Variants in NTM observed in about 807,000 individuals in gnomAD.
The protein encoded by NTM is IgLON family member 2.
Under a neutral mutation model 42.1 loss-of-function variants are expected in NTM, and 13 were observed. The observed-to-expected ratio is 0.31, with a 90% CI of 0.20 to 0.49. The LOEUF is 0.49. Ranked by LOEUF, NTM falls within the 20% of genes least tolerant of loss-of-function variation. The pLI is 0.99. For missense variants in NTM, 373 were observed against 452.8 expected, an observed-to-expected ratio of 0.82 and a Z score of 1.60; for synonymous variants, 187 against 179.2, an observed-to-expected ratio of 1.04 and a Z score of -0.35.
intron 1 of NTM, among the ~76,000 whole-genome samples, chr11:131,509,685 C>T (rs7113620): frequency 0.13 from 19,264 of 152,046 alleles, 1,401 homozygotes; most frequent in East Asian, 0.26. Flanking sequence ...AGTTCTTTAC[C>T]ACACACAACA....
At chr11:131,617,846 A>T (rs893230615) in intron 1 of NTM, among the ~76,000 whole-genome samples, 1 of 152,150 alleles carries the variant, frequency 6.6e-6, no homozygotes, top group Admixed American at 6.5e-5. Flanking sequence ...TTTGTAGATG[A>T]TAGGGGTGAA....
chr11:131,908,144 T>C (rs1030562636), intron 1 of NTM, among the ~76,000 whole-genome samples: 2 of 152,226 alleles, frequency 1.3e-5, no homozygotes, highest in African/African-American at 4.8e-5. Context: ...CTAAGCTTAG[T>C]GCTTTCCCTT....
chr11:131,507,013 A>C (rs1173846452), intron 1 of NTM, among the ~76,000 whole-genome samples: 1 of 152,190 alleles, frequency 6.6e-6, no homozygotes, highest in Non-Finnish European at 1.5e-5. Flanking sequence ...TGACTCTCTA[A>C]GCCTGGGTTC....
At chr11:131,976,622 C>T (rs140722859) in intron 2 of NTM, among the ~76,000 whole-genome samples, 4 of 152,226 alleles carry the variant, frequency 2.6e-5, no homozygotes, top group Admixed American at 1.3e-4. Context: ...TCAGTCATAA[C>T]TGAAATCACA....
chr11:132,022,730 G>A (rs2135540828), intron 2 of NTM, among the ~76,000 whole-genome samples: 1 of 152,282 alleles, frequency 6.6e-6, no homozygotes, highest in East Asian at 1.9e-4. Flanking sequence ...GTTGTCATGT[G>A]GACTAGATAC....
intron 3 of NTM, among the ~76,000 whole-genome samples, chr11:132,185,945 A>G (rs187847718): frequency 6.6e-6 from 1 of 152,342 alleles, no homozygotes; most frequent in East Asian, 1.9e-4. Flanking sequence ...GACTTGATTC[A>G]TCCTAATCAG....
chr11:131,676,509 G>A (rs1052620272), intron 1 of NTM, among the ~76,000 whole-genome samples: 3 of 152,162 alleles, frequency 2.0e-5, no homozygotes, highest in Admixed American at 6.5e-5. Context: ...GCATGCATGC[G>A]TGACTGTGAA....
chr11:131,937,683 C>A (rs2059370628), intron 2 of NTM, among the ~76,000 whole-genome samples: 1 of 152,144 alleles, frequency 6.6e-6, no homozygotes, highest in South Asian at 2.1e-4. Context: ...ACACTTAATG[C>A]CTCGGTAATC....
At chr11:131,546,601 CT>C in intron 1 of NTM, 1 of 152,352 alleles carries the variant, frequency 6.6e-6, no homozygotes, top group Non-Finnish European at 1.5e-5. Flanking sequence ...TCCTTCAGAG[CT>C]TTTCCATTTG....
intron 1 of NTM, among the ~76,000 whole-genome samples, chr11:131,424,203 C>A (rs369702278): frequency 6.6e-6 from 1 of 152,076 alleles, no homozygotes; most frequent in Non-Finnish European, 1.5e-5. Context: ...TTTCTGCTCT[C>A]TCACTTATTT....
At chr11:132,067,789 C>T (rs2056743019) in intron 2 of NTM, among the ~76,000 whole-genome samples, 2 of 152,202 alleles carry the variant, frequency 1.3e-5, no homozygotes, top group African/African-American at 4.8e-5. Context: ...CCCTCACAGT[C>T]ATCTTTCCTT....
At chr11:132,172,118 T>G (rs555983450) in intron 3 of NTM, among the ~76,000 whole-genome samples, 1 of 152,296 alleles carries the variant, frequency 6.6e-6, no homozygotes, top group East Asian at 1.9e-4. Context: ...GTGACCAAAA[T>G]GAGTTAAGTG....
At chr11:132,161,773 G>T (rs2074349624) in intron 3 of NTM, among the ~76,000 whole-genome samples, 1 of 152,080 alleles carries the variant, frequency 6.6e-6, no homozygotes, top group Non-Finnish European at 1.5e-5. Flanking sequence ...GCCATCCCCG[G>T]ACCCTTCCTG....
chr11:131,839,116 A>G lies in NTM; in HGVS notation c.83-72448A>G, dbSNP rs190967762. On this transcript the variant is annotated intron_variant, in intron 1 of 8. Coordinates refer to ENST00000683400, the MANE Select transcript of NTM (RefSeq NM_001352005.2). ...GCTGGGATTACAGGTGCACACCACCACACCCAGCTAATTTTTTGTATTTTT... is the reference window on the plus strand; with the variant it reads ...GCTGGGATTACAGGTGCACACCACCGCACCCAGCTAATTTTTTGTATTTTT... 7.4e-3 allele frequency among the ~76,000 whole-genome samples: 1,126 copies of G among 152,102 alleles called. 19 individuals are homozygous for G. Among genetic ancestry groups the G allele is most frequent in the African/African-American group, 0.026 (1,072 of 41,490 alleles).
At chr11:132,033,278 G>T (rs1468461351) in intron 2 of NTM, among the ~76,000 whole-genome samples, 3 of 152,148 alleles carry the variant, frequency 2.0e-5, no homozygotes, top group Non-Finnish European at 4.4e-5. Flanking sequence ...GGCAATGTAA[G>T]GTTTTATTTT....
chr11:132,134,755 A>ATATCTATATC (rs1566260217), intron 2 of NTM, among the ~76,000 whole-genome samples: 2 of 80,254 alleles, frequency 2.5e-5, no homozygotes, highest in Non-Finnish European at 2.5e-5. Context: ...ATATATATAT[A>ATATCTATATC]TATATCTCAC....
At chr11:131,512,617 A>G (rs1175121133) in intron 1 of NTM, among the ~76,000 whole-genome samples, 1 of 152,200 alleles carries the variant, frequency 6.6e-6, no homozygotes, top group Non-Finnish European at 1.5e-5. Context: ...CCCCCACAGC[A>G]GACTCAGCCC....
At chr11:132,015,154 T>C (rs1197776245) in intron 2 of NTM, among the ~76,000 whole-genome samples, 1 of 152,080 alleles carries the variant, frequency 6.6e-6, no homozygotes, top group Non-Finnish European at 1.5e-5. Flanking sequence ...AGTGTGGTCT[T>C]TCTCCAATGT....
At chr11:132,077,908 A>G (rs1289160617) in intron 2 of NTM, among the ~76,000 whole-genome samples, 1 of 152,214 alleles carries the variant, frequency 6.6e-6, no homozygotes, top group African/African-American at 2.4e-5. Flanking sequence ...TCCAACAAAA[A>G]ACTTTTGAGT....
Sources: allele counts gnomAD v4.1 joint callset (sites outside exome capture counted in the v4.1 genomes callset), GRCh38; gene constraint gnomAD v4.1.1; transcripts MANE v1.5; gene names NCBI Gene and HGNC (gene_info 2026-07-23, HGNC 2026-07-21).